DHX36: variants seen among roughly 807,000 people sequenced by gnomAD.
The protein encoded by DHX36 is ATP-dependent DNA/RNA helicase DHX36.
Under a neutral mutation model 139.0 loss-of-function variants are expected in DHX36, and 50 were observed. The observed-to-expected ratio is 0.36, with a 90% CI of 0.29 to 0.46. The LOEUF (loss-of-function observed/expected upper bound fraction) is 0.46, where lower values mean the gene tolerates loss of function less well. Among genes scored for constraint, DHX36 ranks in the 20% least tolerant of loss-of-function variants. The pLI, the probability that DHX36 is intolerant of heterozygous loss-of-function variation, is 1.00. For synonymous variants in DHX36, 425 were observed against 401.9 expected (o/e 1.06, Z -0.69); for missense variants, 1,024 against 1,211.3 (o/e 0.85, Z 2.29).
At chr3:154,314,916 T>C in intron 3 of DHX36, 130 bp downstream of exon 3, 1 of 541,008 alleles carries the variant, frequency 1.8e-6, no homozygotes. Context: ...CGAAAAGAAA[T>C]TAATTCCCAC....
intron 15 of DHX36, among the ~76,000 whole-genome samples, chr3:154,290,217 T>C (rs1033014570): frequency 6.6e-5 from 10 of 152,226 alleles, no homozygotes; most frequent in Middle Eastern, 3.2e-3. Context: ...TATGCTAACC[T>C]GTCTATATTA....
Position 154,312,881 on chromosome 3 carries a change from ATATATATATATATATAT to A in DHX36, c.604-1224_604-1208del, listed in dbSNP as rs1559958759. Among the ~76,000 whole-genome samples the A allele has an allele frequency of 5.7e-4, 66 of 115,804 alleles. 1 individual carries two copies. Among genetic ancestry groups the A allele is most frequent in the African/African-American group, 2.0e-3 (59 of 29,038 alleles). The allele number at this position is 115,804 out of a possible 152,430, so 76.0% of individuals were successfully genotyped here. ...TATATATATATATATATATATATAT[ATATATATATATATATAT>A]ATAAAATAAATAAAGAACTGTCTTT... On this transcript the variant is annotated intron_variant, in intron 3 of 24. Coordinates refer to ENST00000496811, the MANE Select transcript of DHX36 (RefSeq NM_020865.3).
intron 5 of DHX36, among the ~76,000 whole-genome samples, chr3:154,307,656 T>C (rs529727449): frequency 2.6e-4 from 39 of 152,220 alleles, no homozygotes; most frequent in Non-Finnish European, 4.3e-4. Context: ...AACTCTTACA[T>C]ACTGTTGGTA....
At chr3:154,314,072 C>T (rs1048917470) in intron 3 of DHX36, among the ~76,000 whole-genome samples, 34 of 152,128 alleles carry the variant, frequency 2.2e-4, no homozygotes, top group African/African-American at 8.2e-4. Flanking sequence ...TGAGTTCTGT[C>T]CATCATATAC....
chr3:154,294,277 GA>G (rs900371764), intron 13 of DHX36, among the ~76,000 whole-genome samples: 21 of 144,568 alleles, frequency 1.5e-4, no homozygotes, highest in African/African-American at 3.0e-4. Flanking sequence ...AGATTGGAGT[GA>G]AAAAAAAAAA....
chr3:154,305,198 C>T, intron 6 of DHX36, 30 bp from the exon 7 acceptor site: 1 of 1,580,990 alleles, frequency 6.3e-7, no homozygotes, highest in Non-Finnish European at 8.6e-7. Flanking sequence ...ATTAATAAGC[C>T]TTGGTTTTCT....
At chr3:154,317,165 G>C (rs1287485652) in intron 1 of DHX36, among the ~76,000 whole-genome samples, 2 of 152,070 alleles carry the variant, frequency 1.3e-5, no homozygotes, top group Admixed American at 6.5e-5. Context: ...GATCCTGAGA[G>C]AGCAGCAGTA....
rs570340635 is a variant in DHX36, at chr3:154,275,976, T to C, written c.*195A>G. 8 of 322,438 alleles carry C rather than the reference T, an allele frequency of 2.5e-5. No homozygotes were observed. The East Asian group carries it at 2.8e-4, about 11-fold the overall frequency. 20.0% of individuals were successfully genotyped at this position (322,438 alleles called of 1,614,324 possible). A position where few individuals can be genotyped will look rare whatever the true frequency, so the allele number is the denominator to read the frequency against. On this transcript the variant is annotated 3_prime_UTR_variant, in exon 25 of 25. Coordinates refer to ENST00000496811, the MANE Select transcript of DHX36 (RefSeq NM_020865.3). ...ATGATCAGAGAACATATTGCTTTTA[T>C]GGTATATATATATATATATATATAT... is the stretch of plus-strand genomic sequence containing the variant.
At chr3:154,321,982 G>T (rs1167653885) in intron 1 of DHX36, among the ~76,000 whole-genome samples, 6 of 151,022 alleles carry the variant, frequency 4.0e-5, no homozygotes, top group Non-Finnish European at 5.9e-5. Context: ...CTTTAAAAGT[G>T]AAAGCTACCG....
intron 4 of DHX36, among the ~76,000 whole-genome samples, chr3:154,310,993 C>T (rs1445261311): frequency 1.3e-5 from 2 of 150,348 alleles, no homozygotes; most frequent in African/African-American, 4.9e-5. Flanking sequence ...TTCATCCAAT[C>T]AGAAGTTTAT....
At chr3:154,323,757 C>A (rs987024329) in intron 1 of DHX36, among the ~76,000 whole-genome samples, 13 of 152,204 alleles carry the variant, frequency 8.5e-5, no homozygotes, top group Admixed American at 7.9e-4. Context: ...TTGTTCCGCG[C>A]AAACCTATCT....
Position 154,324,311 on chromosome 3 carries a change from A to G in DHX36, c.106T>C (p.Ser36Pro). 2 of 1,606,392 alleles carry G rather than the reference A, an allele frequency of 1.2e-6. No individual in the cohort carries two copies. The highest frequency in any genetic ancestry group is 1.7e-6 in the Non-Finnish European group (2 of 1,177,062). ...CCTCCGCCGCCGCCGCCTCCTCCGG[A>G]GCCTCGGTTACCTCCATGACCCCCT... ...PAGGHGGNRG[S>P]GGGGGGGGGG... Residue 36 changes from serine to proline, a missense_variant, in exon 1 of 25, where the codon TCC (serine) becomes CCC (proline). Coordinates refer to ENST00000496811, the MANE Select transcript of DHX36 (RefSeq NM_020865.3).
intron 1 of DHX36, among the ~76,000 whole-genome samples, chr3:154,318,826 T>G (rs1576884487): frequency 6.6e-6 from 1 of 152,168 alleles, no homozygotes; most frequent in South Asian, 2.1e-4. Flanking sequence ...TTTATTACTA[T>G]TAATTTGAAA....
chr3:154,294,106 T>A (rs1023961754), intron 13 of DHX36, among the ~76,000 whole-genome samples: 4 of 152,138 alleles, frequency 2.6e-5, no homozygotes, highest in African/African-American at 9.7e-5. Flanking sequence ...TAACAAAAGC[T>A]GGAGGTTATA....
At chr3:154,283,840 C>T (rs953758895) in intron 19 of DHX36, among the ~76,000 whole-genome samples, 16 of 152,060 alleles carry the variant, frequency 1.1e-4, no homozygotes, top group African/African-American at 3.6e-4. Context: ...CTCAGATACA[C>T]GTGGCTTTTG....
At position 154,275,473 on chromosome 3, in the gene DHX36, G is replaced by GA. The variant is rs35799657; in HGVS notation, c.*697_*698insT. The GA allele has an allele frequency of 0.91, 138,172 of 152,530 alleles. 62,820 individuals are homozygous for GA. Among genetic ancestry groups the GA allele is most frequent in the East Asian group, 1 (5,164 of 5,174 alleles). The allele number at this position is 152,530 out of a possible 1,614,324, so 9.4% of individuals were successfully genotyped here. The stretch of plus-strand genomic sequence containing the variant: ...CTGTATCTTACAAGATAAGGAAAAA[G>GA]GAGAGAAGCCAAGACACTGACTAAC... On this transcript the variant is annotated 3_prime_UTR_variant, in exon 25 of 25. Coordinates refer to ENST00000496811, the MANE Select transcript of DHX36 (RefSeq NM_020865.3).
In DHX36 at chr3:154,276,885, G is replaced by A. The variant is rs763527830; in HGVS notation, c.2703C>T (p.Asp901=). ...KMRTSSIYLY[D]CTEVSPYCLL... ...GACAGTATGGGGAAACCTCTGTGCA[G>A]TCATACAAGTATATCTGTAATGAAA... is the stretch of plus-strand genomic sequence containing the variant. Residue 901 remains aspartate, a synonymous_variant, in exon 24 of 25, where the codon GAC becomes GAT. Coordinates refer to ENST00000496811, the MANE Select transcript of DHX36 (RefSeq NM_020865.3). The A allele has an allele frequency of 5.6e-6, 9 of 1,611,146 alleles. No individual in the cohort carries two copies. The highest frequency in any genetic ancestry group is 1.7e-5 in the Admixed American group (1 of 59,290).
At chr3:154,295,111 G>A (rs1711988565) in intron 13 of DHX36, among the ~76,000 whole-genome samples, 173 bp downstream of exon 13, 1 of 152,034 alleles carries the variant, frequency 6.6e-6, no homozygotes, top group South Asian at 2.1e-4. Context: ...TCAAGTTTTT[G>A]AGCAATCATC....
In DHX36 at chr3:154,299,717, G is replaced by GCTT. The variant is rs766294843; in HGVS notation, c.1549+118_1549+120dup. 3 of 752,006 alleles carry GCTT rather than the reference G, an allele frequency of 4.0e-6. No homozygotes were observed. The South Asian group carries it at 4.4e-5, about 11-fold the overall frequency. The allele number at this position is 752,006 out of a possible 1,614,324, so 46.6% of individuals were successfully genotyped here. On this transcript the variant is annotated intron_variant, in intron 12 of 24. Coordinates refer to ENST00000496811, the MANE Select transcript of DHX36 (RefSeq NM_020865.3). ...TTCTCTTCATAATACTAAATAAAAA[G>GCTT]CTTCACCTTCATCTGTGACCTAGTA...
Sources: gnomAD v4.1 joint callset for allele counts (sites outside exome capture counted in the v4.1 genomes callset) on GRCh38, gnomAD v4.1.1 for gene constraint, MANE v1.5 for transcripts, NCBI Gene and HGNC (gene_info 2026-07-23, HGNC 2026-07-21) for gene names.